PCSK5: variants seen among roughly 807,000 people sequenced by gnomAD.
PCSK5 encodes prohormone convertase 5.
PCSK5 carries 129 observed loss-of-function variants against 233.2 expected under a neutral mutation model. That is an observed-to-expected ratio of 0.55 (90% confidence interval 0.48 to 0.64). The LOEUF (loss-of-function observed/expected upper bound fraction) is 0.64, where lower values mean the gene tolerates loss of function less well. PCSK5 is among the 30% of genes least tolerant of loss of function. The pLI is 0.00. For missense variants in PCSK5, 2,076 were observed against 2,430.1 expected (o/e 0.85, Z 3.06); for synonymous variants, 825 against 879.2 (o/e 0.94, Z 1.09).
At chr9:76,355,456 G>C (rs987322787) in intron 37 of PCSK5, among the ~76,000 whole-genome samples, 3 of 151,932 alleles carry the variant, frequency 2.0e-5, no homozygotes, top group Admixed American at 6.6e-5. Context: ...CTGGGTGACA[G>C]AGCGAGACTC....
intron 2 of PCSK5, among the ~76,000 whole-genome samples, chr9:75,974,275 CG>C (rs1451858291): frequency 2.0e-5 from 3 of 152,110 alleles, no homozygotes; most frequent in Non-Finnish European, 4.4e-5. Context: ...GAGCTCCAGC[CG>C]GTGCACTCAT....
intron 1 of PCSK5, among the ~76,000 whole-genome samples, chr9:75,927,961 A>G (rs776452858): frequency 7.2e-5 from 11 of 152,182 alleles, no homozygotes; most frequent in South Asian, 2.1e-4. Context: ...CTTTCCTAAG[A>G]ACACACTTTG....
intron 30 of PCSK5, among the ~76,000 whole-genome samples, chr9:76,319,685 T>C (rs1829137291): frequency 6.6e-6 from 1 of 152,094 alleles, no homozygotes; most frequent in Admixed American, 6.6e-5. Flanking sequence ...CACCAGCTTC[T>C]TGTGGGAAGC....
At position 76,071,776 on chromosome 9, in the gene PCSK5, G is replaced by C; in HGVS notation, c.772G>C (p.Val258Leu). ...CACGGACATGGTTGAAGCAAAATCA[G>C]TTAGCTTCAACCCCCAGCACGTGCA... ...DVTDMVEAKS[V>L]SFNPQHVHIY... Residue 258 changes from valine (V) to leucine (L), a missense_variant, in exon 7 of 38, where the codon GTT (valine) becomes CTT (leucine). Coordinates refer to ENST00000674117, the MANE Select transcript of PCSK5 (RefSeq NM_001372043.1). The C allele has an allele frequency of 6.2e-7, 1 of 1,614,074 alleles. No individual in the cohort carries two copies. The highest frequency in any genetic ancestry group is 8.5e-7 in the Non-Finnish European group (1 of 1,179,976).
intron 7 of PCSK5, among the ~76,000 whole-genome samples, chr9:76,085,678 T>G (rs1053640680): frequency 6.6e-6 from 1 of 152,216 alleles, no homozygotes; most frequent in Non-Finnish European, 1.5e-5. Context: ...GCTGATCTTC[T>G]CTATTTCAGA....
At chr9:76,046,700 A>G (rs372761983) in intron 5 of PCSK5, among the ~76,000 whole-genome samples, 2 of 149,044 alleles carry the variant, frequency 1.3e-5, no homozygotes, top group South Asian at 4.3e-4. Context: ...AGCTGGGACT[A>G]CAGGCACCCG....
intron 7 of PCSK5, among the ~76,000 whole-genome samples, chr9:76,093,042 A>C (rs1046365546): frequency 6.7e-6 from 1 of 149,814 alleles, no homozygotes; most frequent in Non-Finnish European, 1.5e-5. Context: ...AAATGTATGC[A>C]TATAGACTTC....
chr9:75,896,344 T>A (rs1187173704), intron 1 of PCSK5, among the ~76,000 whole-genome samples: 2 of 152,214 alleles, frequency 1.3e-5, no homozygotes, highest in African/African-American at 4.8e-5. Context: ...TAAAGGCAGC[T>A]GACTTTGCCT....
At chr9:75,950,532 A>G (rs575993754) in intron 2 of PCSK5, among the ~76,000 whole-genome samples, 187 of 152,356 alleles carry the variant, frequency 1.2e-3, no homozygotes, top group African/African-American at 4.3e-3. Context: ...GGGGACCAAT[A>G]TTCAACATTC....
At chr9:75,924,725 A>C (rs1823403850) in intron 1 of PCSK5, among the ~76,000 whole-genome samples, 2 of 152,208 alleles carry the variant, frequency 1.3e-5, no homozygotes, top group Non-Finnish European at 2.9e-5. Flanking sequence ...CTCTCTGTAC[A>C]ACTCTTAGAA....
rs1829560913 is a variant in PCSK5 at position 76,332,368 on chromosome 9, G to A, written c.4571-65G>A. 7.1e-6 allele frequency: 9 copies of A among 1,264,492 alleles called. 1 individual carries two copies. Among genetic ancestry groups the A allele is most frequent in the South Asian group, 4.0e-5 (3 of 74,974 alleles). The allele number at this position is 1,264,492 out of a possible 1,614,324, so 78.3% of individuals were successfully genotyped here. On this transcript the variant is annotated intron_variant, in intron 33 of 37. Transcript: ENST00000674117. ...TCCCTCCCGCCATGGTACACAAGAG[G>A]GAAAATACAGGGGAGACATGTGTCA... is the stretch of plus-strand genomic sequence containing the variant.
intron 20 of PCSK5, among the ~76,000 whole-genome samples, chr9:76,215,654 G>T (rs949272693): frequency 6.6e-6 from 1 of 152,178 alleles, no homozygotes; most frequent in African/African-American, 2.4e-5. Context: ...AGGTGTGGTG[G>T]CTCATGCCTG....
intron 24 of PCSK5, among the ~76,000 whole-genome samples, chr9:76,270,625 T>C (rs946712119): frequency 2.6e-5 from 4 of 152,098 alleles, no homozygotes; most frequent in Non-Finnish European, 4.4e-5. Context: ...ATGATTTGGG[T>C]AAACTGTTGG....
At chr9:76,231,486 C>T (rs1006589789) in intron 21 of PCSK5, among the ~76,000 whole-genome samples, 1 of 152,174 alleles carries the variant, frequency 6.6e-6, no homozygotes, top group Admixed American at 6.5e-5. Context: ...TTGATTTTAG[C>T]AAGAAAATAA....
intron 3 of PCSK5, among the ~76,000 whole-genome samples, chr9:75,987,407 T>C (rs942828518): frequency 6.6e-6 from 1 of 152,248 alleles, no homozygotes; most frequent in South Asian, 2.1e-4. Flanking sequence ...ACCTTCCCCA[T>C]TGGACTTGTG....
chr9:75,937,793 C>A (rs1824124744), intron 2 of PCSK5, among the ~76,000 whole-genome samples: 1 of 152,212 alleles, frequency 6.6e-6, no homozygotes, highest in Admixed American at 6.5e-5. Context: ...TCACCTTGCA[C>A]TTTTATGTTA....
chr9:76,340,887 G>A (rs893300245), intron 35 of PCSK5, among the ~76,000 whole-genome samples: 1 of 150,836 alleles, frequency 6.6e-6, no homozygotes, highest in Non-Finnish European at 1.5e-5. Flanking sequence ...TATTTTTTTT[G>A]TTTTCAATTT....
chr9:76,010,047 G>T (rs1827665507), intron 3 of PCSK5, among the ~76,000 whole-genome samples: 1 of 152,094 alleles, frequency 6.6e-6, no homozygotes, highest in South Asian at 2.1e-4. Flanking sequence ...TGATACTGAG[G>T]GATTTCTTTC....
At chr9:76,050,058 A>G (rs1245524426) in intron 5 of PCSK5, among the ~76,000 whole-genome samples, 1 of 152,016 alleles carries the variant, frequency 6.6e-6, no homozygotes, top group African/African-American at 2.4e-5. Flanking sequence ...TTTTTTTCTC[A>G]CTGTTGAATC....
Sources: allele counts gnomAD v4.1 joint callset (sites outside exome capture counted in the v4.1 genomes callset), GRCh38; gene constraint gnomAD v4.1.1; transcripts MANE v1.5; gene names NCBI Gene and HGNC (gene_info 2026-07-23, HGNC 2026-07-21).